CFAP92: variants seen among roughly 807,000 people sequenced by gnomAD.
CFAP92 encodes the protein cilia and flagella associated protein 92 (putative), also known as uncharacterized protein CFAP92.
In CFAP92, 86 loss-of-function variants were observed where a neutral mutation model predicts 106.3. The ratio of observed to expected loss-of-function variants is 0.81; its 90% CI spans 0.68 to 0.97. The LOEUF (loss-of-function observed/expected upper bound fraction) is 0.97, where lower values mean the gene tolerates loss of function less well. Among genes scored for constraint, CFAP92 ranks in the 50% least tolerant of loss-of-function variants. CFAP92 has a pLI of 0.00. For missense variants in CFAP92, 1,204 were observed against 1,283.8 expected (o/e 0.94, Z 0.95); for synonymous variants, 477 against 506.4 (o/e 0.94, Z 0.78).
At chr3:128,952,046 C>G (rs768827458) in intron 9 of CFAP92, among the ~76,000 whole-genome samples, 1 of 152,138 alleles carries the variant, frequency 6.6e-6, no homozygotes, top group Admixed American at 6.5e-5. Context: ...TCTCTCATCT[C>G]CCCCTCCACA....
upstream of CFAP92, among the ~76,000 whole-genome samples, chr3:128,998,666 T>G (rs1944571366): frequency 6.6e-6 from 1 of 152,198 alleles, no homozygotes; most frequent in Non-Finnish European, 1.5e-5. Flanking sequence ...ACCACCTCAG[T>G]GGGCATCTGT....
At chr3:128,995,039 G>A (rs1472102519), upstream of CFAP92, among the ~76,000 whole-genome samples, 1 of 152,230 alleles carries the variant, frequency 6.6e-6, no homozygotes, top group Non-Finnish European at 1.5e-5. Context: ...GCAATGGGGA[G>A]CCAAGGCAGG....
intron 2 of CFAP92, among the ~76,000 whole-genome samples, chr3:128,990,412 G>A (rs1013550207): frequency 3.3e-5 from 5 of 152,144 alleles, no homozygotes; most frequent in East Asian, 3.9e-4. Flanking sequence ...CAGGAGAATC[G>A]CTTGAACCCA....
chr3:128,956,208 A>T (rs1443647463), intron 9 of CFAP92, among the ~76,000 whole-genome samples: 2 of 89,624 alleles, frequency 2.2e-5, no homozygotes, highest in Admixed American at 2.1e-4. Flanking sequence ...AAAAAAAAAT[A>T]AAAAAATAAA....
In CFAP92 at chr3:128,931,468, C is replaced by CACACATATATATGTATGTAT. The variant is rs1938360392; in HGVS notation, c.2751+1231_2751+1232insATACATACATATATATGTGT. 3.5e-5 allele frequency among the ~76,000 whole-genome samples: 3 copies of CACACATATATATGTATGTAT among 86,260 alleles called. No individual in the cohort carries two copies. The South Asian group carries it at 1.1e-3, about 32-fold the overall frequency. The allele number at this position is 86,260 out of a possible 152,430, so 56.6% of individuals were successfully genotyped here. The stretch of plus-strand genomic sequence containing the variant: ...ATATATGTGTGTATATATATATACA[C>CACACATATATATGTATGTAT]ATACATGTATATATATGTATGTATG... On this transcript the variant is annotated intron_variant, in intron 12 of 15. Transcript: ENST00000645291.
rs758066233 is a variant in CFAP92 at position 128,910,809 on chromosome 3, C to A, written c.3281-476G>T. 9.9e-6 allele frequency: 16 copies of A among 1,614,184 alleles called. No homozygotes were observed. Among genetic ancestry groups the A allele is most frequent in the Non-Finnish European group, 1.4e-5 (16 of 1,180,036 alleles). ...ATCTCTTCAGCCTCTCTCAGCTGGA[C>A]AAGTGTGAGTGGCATGTCTTGGGGG... On this transcript the variant is annotated intron_variant, in intron 15 of 15. Coordinates refer to ENST00000645291, the MANE Select transcript of CFAP92 (RefSeq NM_001394090.1).
chr3:128,940,679 T>C (rs975652521), intron 10 of CFAP92, among the ~76,000 whole-genome samples: 8 of 151,838 alleles, frequency 5.3e-5, no homozygotes, highest in Non-Finnish European at 8.8e-5. Context: ...TTCTCTATTA[T>C]ATTCCATAGG....
the CFAP92 span, among the ~76,000 whole-genome samples, chr3:129,023,350 T>C: frequency 1.3e-5 from 2 of 149,604 alleles, no homozygotes; most frequent in South Asian, 2.1e-4. Context: ...TGAGTCTTGC[T>C]CAGTCACCCA....
At position 128,978,029 on chromosome 3, in the gene CFAP92, G is replaced by A. The variant is rs1221925331; in HGVS notation, c.808+16C>T. 9 of 1,613,556 alleles carry A rather than the reference G, an allele frequency of 5.6e-6. No homozygotes were observed. In the African/African-American group the frequency reaches 8.0e-5, roughly 14 times the overall value. On this transcript the variant is annotated intron_variant, in intron 5 of 15. Transcript: ENST00000645291. Reference sequence around the variant, plus strand: ...GCCTTGCACTCAGCTTGTCCACAAAGGCCTTCTCCGCTCACCTTGCAAAGA... The same window carrying A: ...GCCTTGCACTCAGCTTGTCCACAAAAGCCTTCTCCGCTCACCTTGCAAAGA...
chr3:128,956,233 AT>A (rs1394371792), intron 9 of CFAP92, among the ~76,000 whole-genome samples: 1,912 of 103,100 alleles, frequency 0.019, 174 homozygotes, highest in African/African-American at 0.073. Context: ...AAAAAAGAAA[AT>A]AGAAAGAAAA....
Position 128,945,265 on chromosome 3 carries a change from G to C in CFAP92, c.2064C>G (p.Leu688=), listed in dbSNP as rs1373840610. The C allele has an allele frequency of 1.3e-6, 2 of 1,536,042 alleles. No individual in the cohort carries two copies. Among genetic ancestry groups the C allele is most frequent in the African/African-American group, 2.7e-5 (2 of 73,048 alleles). ...TCCTGACAGGGTAGGAGTCCAGGCCGAGGGCCTTAGCGTTGATCATGGTGA... is the reference window on the plus strand; with the variant it reads ...TCCTGACAGGGTAGGAGTCCAGGCCCAGGGCCTTAGCGTTGATCATGGTGA... ...QDITMINAKA[L]GLDSYPVRTL... Residue 688 remains leucine, a synonymous_variant, in exon 10 of 16, where the codon CTC becomes CTG. Coordinates refer to ENST00000645291, the MANE Select transcript of CFAP92 (RefSeq NM_001394090.1).
At chr3:128,970,708 G>C (rs1942727607) in intron 8 of CFAP92, 1 of 152,560 alleles carries the variant, frequency 6.6e-6, no homozygotes, top group African/African-American at 2.4e-5. Flanking sequence ...TCCCTGTTTG[G>C]CCACTGAGCT....
chr3:128,945,097 C>T lies in CFAP92; in HGVS notation c.2232G>A (p.Arg744=). The change falls in exon 10 of 16, where the codon AGG becomes AGA. Residue 744 remains arginine, a synonymous_variant. Coordinates refer to ENST00000645291, the MANE Select transcript of CFAP92 (RefSeq NM_001394090.1). ...AGCTTTGGTGGTTCTCCCACAGCTG[C>T]CTCAAGCCTTGGTCGGCCAGGCCTT... ...ILEGLADQGL[R]QLWENHQSWI... 2 of 1,531,608 alleles carry T rather than the reference C, an allele frequency of 1.3e-6. No homozygotes were observed. The highest frequency in any genetic ancestry group is 2.0e-5 in the Admixed American group (1 of 50,738). 94.9% of individuals were successfully genotyped at this position (1,531,608 alleles called of 1,614,324 possible).
At chr3:128,941,345 A>G (rs1939603436) in intron 10 of CFAP92, among the ~76,000 whole-genome samples, 1 of 151,688 alleles carries the variant, frequency 6.6e-6, no homozygotes, top group South Asian at 2.1e-4. Context: ...GCATAATTTG[A>G]AACACATATC....
intron 3 of CFAP92, among the ~76,000 whole-genome samples, chr3:128,988,464 C>T (rs1253015779): frequency 2.0e-5 from 3 of 151,854 alleles, no homozygotes; most frequent in Non-Finnish European, 4.4e-5. Flanking sequence ...TTGCTTGAAC[C>T]GGGAGGCAGA....
At chr3:128,920,174 T>C (rs1337371712) in intron 12 of CFAP92, among the ~76,000 whole-genome samples, 1 of 152,130 alleles carries the variant, frequency 6.6e-6, no homozygotes, top group Non-Finnish European at 1.5e-5. Context: ...GAGGCTGAGG[T>C]GGGTGAATCA....
At chr3:128,941,651 ATTTT>A (rs2107721467) in intron 10 of CFAP92, among the ~76,000 whole-genome samples, 1 of 152,044 alleles carries the variant, frequency 6.6e-6, no homozygotes, top group South Asian at 2.1e-4. Flanking sequence ...TAATTTTTGT[ATTTT>A]TAGTAGAGAT....
At chr3:128,991,940 G>T in intron 2 of CFAP92, 1 of 953,064 alleles carries the variant, frequency 1.0e-6, no homozygotes, top group Non-Finnish European at 1.2e-6. Context: ...ACTTGGTTTG[G>T]CCAATAAAAT....
At position 128,975,757 on chromosome 3, in the gene CFAP92, C is replaced by T. The variant is rs1309861270; in HGVS notation, c.1021+22G>A. 1.9e-6 allele frequency: 3 copies of T among 1,539,488 alleles called. No individual in the cohort carries two copies. In the African/African-American group the frequency reaches 4.1e-5, roughly 21 times the overall value. On this transcript the variant is annotated intron_variant, in intron 7 of 15. Coordinates refer to ENST00000645291, the MANE Select transcript of CFAP92 (RefSeq NM_001394090.1). ...CCAAGTCTAGTTATATTATAAAATT[C>T]CCAAATCCTATCCTAACTTACTTTG...
Sources: gnomAD v4.1 joint callset for allele counts (sites outside exome capture counted in the v4.1 genomes callset) on GRCh38, gnomAD v4.1.1 for gene constraint, MANE v1.5 for transcripts, NCBI Gene and HGNC (gene_info 2026-07-23, HGNC 2026-07-21) for gene names.